TOM1L2: variants seen among roughly 807,000 people sequenced by gnomAD.
TOM1L2 encodes the protein TOM1-like protein 2.
A neutral mutation model predicts 67.9 loss-of-function variants in TOM1L2; 31 were observed. That is an observed-to-expected ratio of 0.46 (90% CI 0.34 to 0.62). The LOEUF (loss-of-function observed/expected upper bound fraction) is 0.62, where lower values mean the gene tolerates loss of function less well. Among genes scored for constraint, TOM1L2 ranks in the 20% least tolerant of loss-of-function variants. TOM1L2 has a pLI of 0.01. For missense variants in TOM1L2, 606 were observed against 663.5 expected, an observed-to-expected ratio of 0.91 and a Z score of 0.95; for synonymous variants, 256 against 254.0, an observed-to-expected ratio of 1.01 and a Z score of -0.07.
At chr17:17,876,536 G>A (rs991247218) in intron 7 of TOM1L2, among the ~76,000 whole-genome samples, 1 of 152,236 alleles carries the variant, frequency 6.6e-6, no homozygotes, top group Admixed American at 6.5e-5. Flanking sequence ...CAGGATCAAA[G>A]TTATAGGGAG....
At chr17:17,959,514 G>T (rs185795088) in intron 1 of TOM1L2, among the ~76,000 whole-genome samples, 175 of 152,208 alleles carry the variant, frequency 1.1e-3, no homozygotes, top group African/African-American at 4.1e-3. Flanking sequence ...TGAATTGCTG[G>T]TTTAAGAATT....
rs572343374 is a variant in TOM1L2 at position 17,857,277 on chromosome 17, A to G, written c.1278+4199T>C. On this transcript the variant is annotated intron_variant, in intron 12 of 14. Coordinates refer to ENST00000379504, the MANE Select transcript of TOM1L2 (RefSeq NM_001082968.2). ...CTGTGTATTCTTCAAGAGGTTTCAA[A>G]TCATTTTGACGGACTTAGTGGATAT... Among the ~76,000 whole-genome samples the G allele has an allele frequency of 2.0e-5, 3 of 152,310 alleles. No individual in the cohort carries two copies. The South Asian group carries it at 6.2e-4, about 32-fold the overall frequency.
At chr17:17,915,349 T>C (rs972816488) in intron 1 of TOM1L2, among the ~76,000 whole-genome samples, 1 of 152,146 alleles carries the variant, frequency 6.6e-6, no homozygotes, top group Non-Finnish European at 1.5e-5. Flanking sequence ...TACCACCAAT[T>C]CAATGATGGG....
At position 17,877,562 on chromosome 17, in the gene TOM1L2, A is replaced by C. The variant is rs544989609; in HGVS notation, c.777+2065T>G. Among the ~76,000 whole-genome samples the C allele has an allele frequency of 7.9e-5, 12 of 152,280 alleles. No individual in the cohort carries two copies. The South Asian group carries it at 2.5e-3, about 32-fold the overall frequency. On this transcript the variant is annotated intron_variant, in intron 7 of 14. Coordinates refer to ENST00000379504, the MANE Select transcript of TOM1L2 (RefSeq NM_001082968.2). Reference sequence around the variant, plus strand: ...CCCTGCCTGCTGGCTTTTGACTGCCAGGGGAAGAAGGGGTGGGAAGATGTC... The same window carrying C: ...CCCTGCCTGCTGGCTTTTGACTGCCCGGGGAAGAAGGGGTGGGAAGATGTC...
intron 2 of TOM1L2, among the ~76,000 whole-genome samples, chr17:17,900,218 A>G (rs1000929391): frequency 5.9e-5 from 9 of 151,468 alleles, no homozygotes; most frequent in African/African-American, 2.2e-4. Context: ...CATCTCCATA[A>G]AAATAAAAAA....
At chr17:17,885,685 G>T (rs1209598765) in intron 4 of TOM1L2, among the ~76,000 whole-genome samples, 1 of 152,104 alleles carries the variant, frequency 6.6e-6, no homozygotes, top group Admixed American at 6.6e-5. Flanking sequence ...AGCACTTTGA[G>T]AGGCCGAGGC....
Position 17,919,065 on chromosome 17 carries a change from G to C in TOM1L2, c.53-11534C>G, listed in dbSNP as rs78921226. ...GAAATGTGCATTATAATGGAGTCTA[G>C]AACAGGGAGTGTGAACTCAGATTTT... is the stretch of plus-strand genomic sequence containing the variant. On this transcript the variant is annotated intron_variant, in intron 1 of 14. Transcript: ENST00000379504. Among the ~76,000 whole-genome samples, 965 of 152,298 alleles carry C rather than the reference G, an allele frequency of 6.3e-3. 9 individuals are homozygous for C. Among genetic ancestry groups the C allele is most frequent in the East Asian group, 0.057 (293 of 5,182 alleles).
intron 6 of TOM1L2, 123 bp from the exon 7 acceptor site, chr17:17,879,866 T>C (rs2037626803): frequency 1.5e-5 from 13 of 854,410 alleles, no homozygotes; most frequent in South Asian, 1.5e-4. Context: ...CTGGGTTGCC[T>C]TTCTGAGTGC....
At chr17:17,941,052 G>A (rs1393190254) in intron 1 of TOM1L2, among the ~76,000 whole-genome samples, 1 of 152,176 alleles carries the variant, frequency 6.6e-6, no homozygotes, top group African/African-American at 2.4e-5. Flanking sequence ...GAAGATGGCT[G>A]TCCAGAGATA....
At chr17:17,860,944 C>A (rs1362859716) in intron 12 of TOM1L2, among the ~76,000 whole-genome samples, 3 of 152,224 alleles carry the variant, frequency 2.0e-5, no homozygotes, top group Non-Finnish European at 4.4e-5. Flanking sequence ...CAAACCCTGG[C>A]TCTCGAGTGC....
chr17:17,861,360 G>T, intron 12 of TOM1L2, 116 bp downstream of exon 12: 4 of 956,902 alleles, frequency 4.2e-6, no homozygotes, highest in Non-Finnish European at 6.4e-6. Flanking sequence ...TCTCCCCCAG[G>T]GTGTCCCTGC....
At chr17:17,883,835 A>G (rs1388743997) in intron 5 of TOM1L2, among the ~76,000 whole-genome samples, 2 of 152,172 alleles carry the variant, frequency 1.3e-5, no homozygotes, top group African/African-American at 2.4e-5. Context: ...AGATGTGCAC[A>G]GGTGTGCTAT....
intron 1 of TOM1L2, among the ~76,000 whole-genome samples, chr17:17,913,066 A>G (rs1325767568): frequency 2.0e-5 from 3 of 151,712 alleles, no homozygotes; most frequent in African/African-American, 7.2e-5. Flanking sequence ...GGGTGCCTGC[A>G]ATCGCAGGCA....
chr17:17,903,925 C>G (rs1378179505), intron 2 of TOM1L2, among the ~76,000 whole-genome samples: 1 of 145,716 alleles, frequency 6.9e-6, no homozygotes, highest in Non-Finnish European at 1.5e-5. Context: ...AGGGAGGGCA[C>G]AAAGGGGTGG....
intron 4 of TOM1L2, among the ~76,000 whole-genome samples, chr17:17,891,405 C>T (rs573557675): frequency 6.6e-6 from 1 of 152,288 alleles, no homozygotes; most frequent in Admixed American, 6.5e-5. Context: ...GAGGGGTGAT[C>T]CTGATAGGAA....
At chr17:17,894,259 T>C (rs2038445044) in intron 3 of TOM1L2, among the ~76,000 whole-genome samples, 1 of 152,190 alleles carries the variant, frequency 6.6e-6, no homozygotes, top group African/African-American at 2.4e-5. Context: ...GGCCCTTATA[T>C]GTGAGAAAGC....
intron 3 of TOM1L2, among the ~76,000 whole-genome samples, chr17:17,895,761 C>T (rs752662182): frequency 1.3e-5 from 2 of 152,210 alleles, no homozygotes; most frequent in Admixed American, 1.3e-4. Context: ...CCTCAGATGA[C>T]AGGCAACATG....
intron 10 of TOM1L2, among the ~76,000 whole-genome samples, chr17:17,865,878 G>A (rs2036820389): frequency 6.6e-6 from 1 of 150,984 alleles, no homozygotes; most frequent in Non-Finnish European, 1.5e-5. Flanking sequence ...CCGAGTAGTT[G>A]GGATTGCAGG....
intron 1 of TOM1L2, among the ~76,000 whole-genome samples, chr17:17,934,352 G>A (rs941254765): frequency 3.3e-5 from 5 of 152,138 alleles, no homozygotes; most frequent in Non-Finnish European, 5.9e-5. Context: ...GAGGCTGAGG[G>A]AGGGGTATCA....
Sources: gnomAD v4.1 joint callset for allele counts (sites outside exome capture counted in the v4.1 genomes callset) on GRCh38, gnomAD v4.1.1 for gene constraint, MANE v1.5 for transcripts, NCBI Gene and HGNC (gene_info 2026-07-23, HGNC 2026-07-21) for gene names.